The following CRIM1 variants were observed in gnomAD, a reference collection of about 807,000 sequenced individuals.
CRIM1 encodes the protein cysteine rich transmembrane BMP regulator 1.
In CRIM1, 32 loss-of-function variants were observed where a neutral mutation model predicts 116.4. The ratio of observed to expected loss-of-function variants is 0.27; its 90% confidence interval spans 0.21 to 0.37. The LOEUF is 0.37. Among genes scored for constraint, CRIM1 ranks in the 10% least tolerant of loss-of-function variants. CRIM1 has a pLI of 1.00. For missense variants in CRIM1, 1,331 were observed against 1,354.8 expected (o/e 0.98, Z 0.28); for synonymous variants, 590 against 509.2 (o/e 1.16, Z -2.13).
rs955196350 is a variant in CRIM1 at position 36,550,892 on chromosome 2, A to C, written c.*2191A>C. 3.3e-5 allele frequency: 5 copies of C among 152,382 alleles called. No homozygotes were observed. Among genetic ancestry groups the C allele is most frequent in the Non-Finnish European group, 4.4e-5 (3 of 67,968 alleles). 9.4% of individuals were successfully genotyped at this position (152,382 alleles called of 1,614,324 possible). A position where few individuals can be genotyped will look rare whatever the true frequency, so the allele number is the denominator to read the frequency against. ...CTAACAGGATATAGGACAAGGTGTA[A>C]ATTTTTTTATTATTATTTTAAAGAT... On this transcript the variant is annotated 3_prime_UTR_variant, in exon 17 of 17. Transcript: ENST00000280527.
rs1276691101 is a variant in CRIM1, at chr2:36,396,794, A to T, written c.505+7A>T. 2.5e-6 allele frequency: 4 copies of T among 1,602,692 alleles called. No individual in the cohort carries two copies. The highest frequency in any genetic ancestry group is 3.4e-6 in the Non-Finnish European group (4 of 1,171,004). The stretch of plus-strand genomic sequence containing the variant: ...GCTTTAAAGAGAATTGAAGGTAAGC[A>T]TTAATTTTTGTTAACCATCCAGTCG... On this transcript the variant is annotated splice_region_variant and intron_variant, in intron 2 of 16. Transcript: ENST00000280527.
intron 4 of CRIM1, among the ~76,000 whole-genome samples, chr2:36,463,246 T>C (rs1166530402): frequency 6.6e-6 from 1 of 152,210 alleles, no homozygotes; most frequent in African/African-American, 2.4e-5. Context: ...ACTATAAATG[T>C]AATTAAATCT....
intron 4 of CRIM1, among the ~76,000 whole-genome samples, chr2:36,454,395 C>A (rs1267086028): frequency 6.6e-6 from 1 of 152,186 alleles, no homozygotes; most frequent in Admixed American, 6.5e-5. Context: ...CACACACATA[C>A]AGCATCAGCT....
chr2:36,510,479 C>T (rs1479257606), intron 9 of CRIM1, among the ~76,000 whole-genome samples: 1 of 152,176 alleles, frequency 6.6e-6, no homozygotes, highest in Non-Finnish European at 1.5e-5. Context: ...ACTCTTCACA[C>T]CTGTCCCAAG....
At chr2:36,361,509 G>C (rs1468510951) in intron 1 of CRIM1, among the ~76,000 whole-genome samples, 1 of 152,140 alleles carries the variant, frequency 6.6e-6, no homozygotes, top group Non-Finnish European at 1.5e-5. Context: ...ATATATTGTA[G>C]ATGAAACAGA....
intron 4 of CRIM1, among the ~76,000 whole-genome samples, chr2:36,459,961 A>T (rs1677450278): frequency 6.6e-6 from 1 of 152,168 alleles, no homozygotes; most frequent in Admixed American, 6.6e-5. Flanking sequence ...ATGAAGGGAA[A>T]GCTTAAATGT....
At chr2:36,472,129 TA>T (rs1240629641) in intron 5 of CRIM1, among the ~76,000 whole-genome samples, 1 of 152,196 alleles carries the variant, frequency 6.6e-6, no homozygotes, top group Non-Finnish European at 1.5e-5. Flanking sequence ...AAAAAATCAC[TA>T]AAAAGGCACT....
intron 14 of CRIM1, among the ~76,000 whole-genome samples, chr2:36,543,943 G>A (rs931288143): frequency 1.3e-5 from 2 of 152,010 alleles, no homozygotes; most frequent in African/African-American, 4.8e-5. Context: ...CATAAGAAGT[G>A]GACAGTGCTT....
At chr2:36,543,689 T>A (rs1377352764) in intron 14 of CRIM1, among the ~76,000 whole-genome samples, 2 of 116,248 alleles carry the variant, frequency 1.7e-5, no homozygotes, top group African/African-American at 3.5e-5. Flanking sequence ...AAAGTTCTGA[T>A]TTTTTTTTTT....
chr2:36,457,853 A>G (rs1160720976), intron 4 of CRIM1, among the ~76,000 whole-genome samples: 1 of 152,140 alleles, frequency 6.6e-6, no homozygotes, highest in African/African-American at 2.4e-5. Flanking sequence ...GCTACTTTTT[A>G]TAGAATAGCA....
chr2:36,448,655 A>G (rs575243096), intron 4 of CRIM1, among the ~76,000 whole-genome samples: 181 of 152,336 alleles, frequency 1.2e-3, no homozygotes, highest in African/African-American at 4.2e-3. Context: ...TATTATTGAC[A>G]AGTCACCTAT....
At chr2:36,506,612 C>T (rs758189002) in intron 8 of CRIM1, among the ~76,000 whole-genome samples, 11 of 152,034 alleles carry the variant, frequency 7.2e-5, no homozygotes, top group Non-Finnish European at 1.5e-4. Flanking sequence ...TGCTATCGAC[C>T]GGCCATGCTG....
At chr2:36,542,440 G>A (rs147480647) in intron 14 of CRIM1, among the ~76,000 whole-genome samples, 455 of 152,246 alleles carry the variant, frequency 3.0e-3, no homozygotes, top group Non-Finnish European at 5.0e-3. Flanking sequence ...GAGTTTCACC[G>A]GAAATCTACC....
intron 1 of CRIM1, among the ~76,000 whole-genome samples, chr2:36,360,653 T>C (rs1194962094): frequency 6.6e-6 from 1 of 152,118 alleles, no homozygotes; most frequent in Non-Finnish European, 1.5e-5. Flanking sequence ...TGATGGCTGC[T>C]TGGAAGAAAA....
At position 36,486,371 on chromosome 2, in the gene CRIM1, T is replaced by C. The variant is rs1679817846; in HGVS notation, c.1372+6677T>C. On this transcript the variant is annotated intron_variant, in intron 7 of 16. Transcript: ENST00000280527. The stretch of plus-strand genomic sequence containing the variant: ...GCTGGTTCTCCAAGTCCAGCATGTC[T>C]TTGCTTGTGTCGGTAATGCCTTGCT... 3.3e-5 allele frequency among the ~76,000 whole-genome samples: 5 copies of C among 152,212 alleles called. No homozygotes were observed. The South Asian group carries it at 1.0e-3, about 32-fold the overall frequency.
intron 4 of CRIM1, among the ~76,000 whole-genome samples, chr2:36,445,563 A>G (rs965633642): frequency 3.3e-5 from 5 of 152,226 alleles, no homozygotes; most frequent in African/African-American, 1.2e-4. Flanking sequence ...CTTATCAGCT[A>G]TACGATGTTC....
intron 2 of CRIM1, among the ~76,000 whole-genome samples, chr2:36,400,774 G>A (rs996241105): frequency 3.5e-4 from 53 of 152,260 alleles, no homozygotes; most frequent in African/African-American, 1.3e-3. Context: ...AGAAGGCACA[G>A]AATGGGATTT....
intron 1 of CRIM1, among the ~76,000 whole-genome samples, chr2:36,360,497 G>C (rs1280439928): frequency 2.6e-5 from 4 of 152,152 alleles, no homozygotes; most frequent in African/African-American, 9.7e-5. Flanking sequence ...AATTTTAACT[G>C]TTCCTTTTAC....
intron 8 of CRIM1, among the ~76,000 whole-genome samples, chr2:36,503,351 CA>C (rs1681135096): frequency 6.6e-6 from 1 of 152,042 alleles, no homozygotes; most frequent in Non-Finnish European, 1.5e-5. Context: ...ACTCTGTGTC[CA>C]CATATGTAAA....
Sources: allele counts gnomAD v4.1 joint callset (sites outside exome capture counted in the v4.1 genomes callset), GRCh38; gene constraint gnomAD v4.1.1; transcripts MANE v1.5; gene names NCBI Gene and HGNC (gene_info 2026-07-23, HGNC 2026-07-21).